POU2F2: variants seen among roughly 807,000 people sequenced by gnomAD.
POU2F2 encodes the protein POU domain, class 2, transcription factor 2.
POU2F2 carries 14 observed loss-of-function variants against 63.5 expected under a neutral mutation model. That is an observed-to-expected ratio of 0.22 (90% CI 0.15 to 0.34). POU2F2 has a LOEUF of 0.34. POU2F2 is among the 10% of genes least tolerant of loss of function. The pLI is 1.00. For missense variants in POU2F2, 607 were observed against 815.2 expected, an observed-to-expected ratio of 0.74 and a Z score of 3.11; for synonymous variants, 306 against 348.6, an observed-to-expected ratio of 0.88 and a Z score of 1.36.
intron 1 of POU2F2, among the ~76,000 whole-genome samples, chr19:42,163,337 G>C (rs1212529023): frequency 6.6e-6 from 1 of 152,044 alleles, no homozygotes; most frequent in African/African-American, 2.4e-5. Flanking sequence ...AGATGAGCCA[G>C]GGATTGATCT....
chr19:42,144,629 C>G (rs1047097601), intron 2 of POU2F2, among the ~76,000 whole-genome samples: 1 of 152,266 alleles, frequency 6.6e-6, no homozygotes, highest in Non-Finnish European at 1.5e-5. Context: ...TCCCACTATT[C>G]TACTAAGTAA....
chr19:42,124,191 C>T (rs2034982239), intron 1 of POU2F2, among the ~76,000 whole-genome samples: 2 of 151,446 alleles, frequency 1.3e-5, no homozygotes, highest in African/African-American at 4.8e-5. Context: ...GTAGTCCCAG[C>T]TATTGGGGAG....
intron 2 of POU2F2, among the ~76,000 whole-genome samples, chr19:42,154,312 G>A (rs949180294): frequency 2.6e-5 from 4 of 151,860 alleles, no homozygotes; most frequent in South Asian, 2.1e-4. Context: ...AGAGGCACAC[G>A]CAGAGAGATG....
At chr19:42,168,205 C>T (rs1397633572) in intron 1 of POU2F2, among the ~76,000 whole-genome samples, 2 of 152,172 alleles carry the variant, frequency 1.3e-5, no homozygotes, top group Admixed American at 1.3e-4. Context: ...TGACTGGTGG[C>T]CTGCTCACTG....
intron 5 of POU2F2, among the ~76,000 whole-genome samples, chr19:42,107,802 T>A (rs2030369175): frequency 6.6e-6 from 1 of 152,134 alleles, no homozygotes; most frequent in Non-Finnish European, 1.5e-5. Flanking sequence ...CTCTACTGAT[T>A]TTCATCACAT....
chr19:42,170,943 C>A, intron 1 of POU2F2, among the ~76,000 whole-genome samples: 1 of 152,282 alleles, frequency 6.6e-6, no homozygotes, highest in East Asian at 1.9e-4. Flanking sequence ...TCCTCGCTGA[C>A]CAGCCATCTC....
chr19:42,092,191 C>T lies in POU2F2; in HGVS notation c.1344G>A (p.Ala448=), dbSNP rs771965590. The T allele has an allele frequency of 1.4e-5, 21 of 1,554,882 alleles. No individual in the cohort carries two copies. Among genetic ancestry groups the T allele is most frequent in the Admixed American group, 6.2e-5 (3 of 48,342 alleles). Residue 448 remains alanine, a synonymous_variant, in exon 13 of 15, where the codon GCG becomes GCA. Transcript: ENST00000692977. This position sits in a 1 kb window ranked among gnomAD's most constrained non-coding sequence, Gnocchi z 5.0. ...CAGAGGGGATGGAATTGAGGGGGGGCGCAGCCCCGCCCCCGCCCCCACCCC... is the reference window on the plus strand; with the variant it reads ...CAGAGGGGATGGAATTGAGGGGGGGTGCAGCCCCGCCCCCGCCCCCACCCC... ...AGGGGGGGGA[A]PPLNSIPSVT... is the part of the protein sequence containing the mutation.
At chr19:42,093,964 G>A in intron 11 of POU2F2, 69 bp from the exon 12 acceptor site, 1 of 1,383,416 alleles carries the variant, frequency 7.2e-7, no homozygotes, top group South Asian at 1.2e-5. Context: ...CTCCCTGTAG[G>A]ACCCCACTCC....
intron 1 of POU2F2, among the ~76,000 whole-genome samples, chr19:42,182,924 A>G (rs2034978147): frequency 1.3e-5 from 2 of 152,186 alleles, no homozygotes; most frequent in African/African-American, 4.8e-5. Context: ...TGAGACCACA[A>G]GCGGGGAATC....
At chr19:42,101,948 G>A (rs2077158905) in intron 5 of POU2F2, among the ~76,000 whole-genome samples, 1 of 150,294 alleles carries the variant, frequency 6.7e-6, no homozygotes, top group Non-Finnish European at 1.5e-5. Context: ...CTGCACTCCA[G>A]CTCGGGCAAC....
intron 14 of POU2F2, 131 bp from the exon 15 acceptor site, chr19:42,091,722 C>G (rs1473199816): frequency 2.6e-6 from 4 of 1,551,212 alleles, no homozygotes; most frequent in Non-Finnish European, 3.5e-6. Context: ...ACCCCTCACA[C>G]CTTCCCCAAA....
intron 1 of POU2F2, among the ~76,000 whole-genome samples, chr19:42,183,988 A>C (rs943392161): frequency 4.0e-5 from 6 of 149,204 alleles, no homozygotes; most frequent in Non-Finnish European, 8.9e-5. Flanking sequence ...ATGAGACACG[A>C]CTGGGGATTT....
At chr19:42,174,326 C>G (rs920870584) in intron 1 of POU2F2, among the ~76,000 whole-genome samples, 2 of 152,212 alleles carry the variant, frequency 1.3e-5, no homozygotes, top group Admixed American at 6.5e-5. Context: ...AGTACCCATA[C>G]ACAGAGCCTT....
At chr19:42,107,682 A>AT (rs2030347563) in intron 5 of POU2F2, among the ~76,000 whole-genome samples, 1 of 152,082 alleles carries the variant, frequency 6.6e-6, no homozygotes, top group African/African-American at 2.4e-5. Flanking sequence ...TTGAGATGTA[A>AT]TTTTTTTCCC....
At chr19:42,195,518 G>C (rs1247824804) in intron 1 of POU2F2, among the ~76,000 whole-genome samples, 3 of 151,606 alleles carry the variant, frequency 2.0e-5, no homozygotes, top group Non-Finnish European at 2.9e-5. Flanking sequence ...ATTTTTAGTA[G>C]AGAAGGGGTT....
chr19:42,141,473 C>CTTTTTTTTTTTTT (rs58221767), intron 2 of POU2F2, among the ~76,000 whole-genome samples: 1 of 98,976 alleles, frequency 1.0e-5, no homozygotes. Flanking sequence ...CTTAATTAAT[C>CTTTTTTTTTTTTT]TTTTTTTTTT....
intron 2 of POU2F2, 23 bp downstream of exon 2, chr19:42,122,488 C>A (rs568167924): frequency 6.8e-6 from 11 of 1,608,826 alleles, no homozygotes; most frequent in Admixed American, 3.4e-5. Flanking sequence ...TGACCCCTGC[C>A]CCCCTGCTCC....
intron 1 of POU2F2, among the ~76,000 whole-genome samples, chr19:42,166,625 AGT>A (rs929852882): frequency 5.3e-5 from 8 of 152,220 alleles, no homozygotes; most frequent in Middle Eastern, 3.4e-3. Flanking sequence ...GAAGGGCAGC[AGT>A]GTGCGTCAGG....
Position 42,108,888 on chromosome 19 carries a change from A to G in POU2F2, c.369+8362T>C, listed in dbSNP as rs1456749041. On this transcript the variant is annotated intron_variant, in intron 5 of 14. Transcript: ENST00000692977. ...TAGCACAAGAGCTAGCATGCCTGTG[A>G]AAGCTGAGAAGGGACGGTACCGATT... Among the ~76,000 whole-genome samples the G allele has an allele frequency of 3.3e-5, 5 of 152,254 alleles. 1 individual carries two copies. Among genetic ancestry groups the G allele is most frequent in the Non-Finnish European group, 2.9e-5 (2 of 68,042 alleles).
Sources: allele counts gnomAD v4.1 joint callset (sites outside exome capture counted in the v4.1 genomes callset), GRCh38; gene constraint gnomAD v4.1.1; non-coding constraint Gnocchi (gnomAD v3.1); transcripts MANE v1.5; gene names NCBI Gene and HGNC (gene_info 2026-07-23, HGNC 2026-07-21).